LRP1B: variants seen among roughly 807,000 people sequenced by gnomAD.
LRP1B encodes low-density lipoprotein receptor-related protein 1B.
LRP1B carries 217 observed loss-of-function variants against 556.6 expected under a neutral mutation model. The observed-to-expected ratio is 0.39, with a 90% CI of 0.35 to 0.44. The LOEUF is 0.44. Ranked by LOEUF, LRP1B falls within the 20% of genes least tolerant of loss-of-function variation. The pLI is 1.00. For synonymous variants in LRP1B, 2,047 were observed against 1,865.8 expected (o/e 1.10, Z -2.50); for missense variants, 5,053 against 5,620.8 (o/e 0.90, Z 3.23).
chr2:140,329,348 CCT>C (rs974417834), intron 79 of LRP1B, among the ~76,000 whole-genome samples: 1 of 152,040 alleles, frequency 6.6e-6, no homozygotes, highest in African/African-American at 2.4e-5. Flanking sequence ...ACAAAGATGC[CCT>C]CTCTCACCAC....
intron 3 of LRP1B, among the ~76,000 whole-genome samples, chr2:141,263,449 G>A (rs1684774383): frequency 1.3e-5 from 2 of 151,934 alleles, no homozygotes; most frequent in South Asian, 4.1e-4. Flanking sequence ...AACTGCCAAA[G>A]CTCATTCAAG....
At position 140,536,588 on chromosome 2, in the gene LRP1B, G is replaced by C. The variant is rs149868733; in HGVS notation, c.7635C>G (p.Leu2545=). Residue 2545 remains leucine (L), a synonymous_variant, in exon 46 of 91, where the codon CTC becomes CTG. Coordinates refer to ENST00000389484, the MANE Select transcript of LRP1B (RefSeq NM_018557.3). ...CCCATATTGGACACTTACCACAGTAGAGCAGTTTTTCATCTGATTTATCTT... is the reference window on the plus strand; with the variant it reads ...CCCATATTGGACACTTACCACAGTACAGCAGTTTTTCATCTGATTTATCTT... ...HCKDKSDEKL[L]YCENRSCRRG... is the part of the protein sequence containing the mutation. 3.4e-5 allele frequency: 55 copies of C among 1,608,306 alleles called. No individual in the cohort carries two copies. The highest frequency in any genetic ancestry group is 4.4e-5 in the Non-Finnish European group (52 of 1,178,118).
intron 3 of LRP1B, among the ~76,000 whole-genome samples, chr2:141,264,951 C>G (rs1684832657): frequency 6.6e-6 from 1 of 152,136 alleles, no homozygotes; most frequent in African/African-American, 2.4e-5. Context: ...GGCCGGAGCC[C>G]CAGATATCAC....
At chr2:141,498,937 T>C (rs1683614106) in intron 2 of LRP1B, among the ~76,000 whole-genome samples, 2 of 152,082 alleles carry the variant, frequency 1.3e-5, no homozygotes, top group African/African-American at 4.8e-5. Context: ...ATCTGTTCCA[T>C]CCAGGGTATC....
At chr2:140,436,361 G>T (rs941919238) in intron 66 of LRP1B, among the ~76,000 whole-genome samples, 3 of 152,108 alleles carry the variant, frequency 2.0e-5, no homozygotes, top group African/African-American at 4.8e-5. Flanking sequence ...AAAGAAGCAA[G>T]ATCGAGCTAT....
intron 1 of LRP1B, among the ~76,000 whole-genome samples, chr2:142,030,302 T>G (rs1703645662): frequency 6.6e-6 from 1 of 151,944 alleles, no homozygotes; most frequent in Non-Finnish European, 1.5e-5. Context: ...TTACTTCTTA[T>G]GTTCATTAAG....
intron 2 of LRP1B, among the ~76,000 whole-genome samples, chr2:141,704,745 A>G (rs761317751): frequency 2.0e-5 from 3 of 151,906 alleles, no homozygotes; most frequent in African/African-American, 7.2e-5. Context: ...TTCTAACCAC[A>G]TGCTTTCTCT....
At position 141,096,690 on chromosome 2, in the gene LRP1B, G is replaced by A. The variant is rs1364140806; in HGVS notation, c.1014-34417C>T. ...AGAGAGAGAGAGAGAGAGAGAGAGA[G>A]AAAATAAATAAATACATCTTCAGGA... On this transcript the variant is annotated intron_variant, in intron 7 of 90. Transcript: ENST00000389484. Among the ~76,000 whole-genome samples the A allele has an allele frequency of 8.5e-3, 868 of 102,014 alleles. 71 individuals are homozygous for A. The highest frequency in any genetic ancestry group is 0.028 in the African/African-American group (804 of 28,944). 66.9% of individuals were successfully genotyped at this position (102,014 alleles called of 152,430 possible).
At chr2:141,142,921 CTTT>C (rs35543111) in intron 7 of LRP1B, among the ~76,000 whole-genome samples, 5 of 101,430 alleles carry the variant, frequency 4.9e-5, no homozygotes, top group African/African-American at 1.6e-4. Context: ...TGTCTGATTA[CTTT>C]TTTTTTTTTT....
At chr2:141,698,473 T>G (rs1691813971) in intron 2 of LRP1B, among the ~76,000 whole-genome samples, 1 of 145,898 alleles carries the variant, frequency 6.9e-6, no homozygotes, top group Non-Finnish European at 1.5e-5. Context: ...ATCCAGACAT[T>G]GCAAAATCTG....
Position 140,428,731 on chromosome 2 carries a change from C to A in LRP1B, c.10414+13773G>T, listed in dbSNP as rs141154475. Among the ~76,000 whole-genome samples, 707 of 152,274 alleles carry A rather than the reference C, an allele frequency of 4.6e-3. 11 individuals carry two copies. In the East Asian group the frequency reaches 0.048, roughly 10 times the overall value. On this transcript the variant is annotated intron_variant, in intron 66 of 90. Transcript: ENST00000389484. ...ATCAATATGGAGGCTACCCACTCCACACTACCGTCTTTTCAAGGGCCTGTT... is the reference window on the plus strand; with the variant it reads ...ATCAATATGGAGGCTACCCACTCCAAACTACCGTCTTTTCAAGGGCCTGTT...
At chr2:140,509,058 C>G (rs1006818320) in intron 52 of LRP1B, among the ~76,000 whole-genome samples, 2 of 128,456 alleles carry the variant, frequency 1.6e-5, no homozygotes, top group Non-Finnish European at 3.2e-5. Context: ...ACGTACATAC[C>G]CCTGCACACA....
intron 2 of LRP1B, among the ~76,000 whole-genome samples, chr2:141,793,859 C>T (rs1006983294): frequency 6.6e-6 from 1 of 151,672 alleles, no homozygotes; most frequent in Admixed American, 6.6e-5. Flanking sequence ...TTTATCTGTA[C>T]ATAGAGAGGA....
chr2:140,468,848 T>C (rs1162122779), intron 60 of LRP1B, among the ~76,000 whole-genome samples: 1 of 152,242 alleles, frequency 6.6e-6, no homozygotes, highest in Non-Finnish European at 1.5e-5. Context: ...CATTACCTCT[T>C]TCTTCTTTCT....
intron 2 of LRP1B, among the ~76,000 whole-genome samples, chr2:141,544,302 T>TTCTTCGTCG (rs1262323432): frequency 3.7e-3 from 13 of 3,522 alleles, no homozygotes; most frequent in African/African-American, 0.015. Flanking sequence ...ACCACTCTTC[T>TTCTTCGTCG]TCTTCTTCTT....
rs545225820 is a variant in LRP1B, at chr2:141,719,286, A to T, written c.205+90993T>A. ...ATTTATTGCTGTTTCTTGGCATGTT[A>T]TTCAATAACTTTTAGTTTTAGTTTC... On this transcript the variant is annotated intron_variant, in intron 2 of 90. Transcript: ENST00000389484. 1.7e-4 allele frequency among the ~76,000 whole-genome samples: 26 copies of T among 152,242 alleles called. No homozygotes were observed. In the South Asian group the frequency reaches 5.0e-3, roughly 29 times the overall value.
intron 66 of LRP1B, among the ~76,000 whole-genome samples, chr2:140,421,649 CT>C (rs1685449743): frequency 6.6e-6 from 1 of 152,112 alleles, no homozygotes; most frequent in South Asian, 2.1e-4. Flanking sequence ...GCAAAAAGTG[CT>C]CAAGAAATAG....
intron 66 of LRP1B, among the ~76,000 whole-genome samples, chr2:140,406,759 C>T (rs1045685831): frequency 3.3e-5 from 5 of 152,106 alleles, no homozygotes; most frequent in Admixed American, 3.3e-4. Context: ...TGAAAATGAA[C>T]ATACTCTCCA....
chr2:141,381,168 G>T (rs1327188634), intron 3 of LRP1B, among the ~76,000 whole-genome samples: 1 of 152,042 alleles, frequency 6.6e-6, no homozygotes, highest in Non-Finnish European at 1.5e-5. Flanking sequence ...GTTCAGGAAA[G>T]CAATGCAGGA....
Sources: allele counts gnomAD v4.1 joint callset (sites outside exome capture counted in the v4.1 genomes callset), GRCh38; gene constraint gnomAD v4.1.1; transcripts MANE v1.5; gene names NCBI Gene and HGNC (gene_info 2026-07-23, HGNC 2026-07-21).